Variants in RASGRP1 observed in about 807,000 individuals in gnomAD.
The protein encoded by RASGRP1 is RAS guanyl-releasing protein 1.
Under a neutral mutation model 95.1 loss-of-function variants are expected in RASGRP1, and 37 were observed. The ratio of observed to expected loss-of-function variants is 0.39; its 90% CI spans 0.30 to 0.51. The LOEUF (loss-of-function observed/expected upper bound fraction) is 0.51. RASGRP1 is among the 20% of genes least tolerant of loss of function. The pLI, the probability that RASGRP1 is intolerant of heterozygous loss-of-function variation, is 0.80. For missense variants in RASGRP1, 711 were observed against 965.4 expected (o/e 0.74, Z 3.49); for synonymous variants, 325 against 353.4 (o/e 0.92, Z 0.90).
intron 2 of RASGRP1, 70 bp from the exon 3 acceptor site, chr15:38,526,474 A>C: frequency 2.5e-6 from 3 of 1,179,282 alleles, no homozygotes; most frequent in Non-Finnish European, 3.7e-6. Flanking sequence ...GACACCTGCA[A>C]ACCCTCTGTG....
At chr15:38,519,662 CCT>C (rs1402957928) in intron 3 of RASGRP1, among the ~76,000 whole-genome samples, 1 of 152,056 alleles carries the variant, frequency 6.6e-6, no homozygotes, top group African/African-American at 2.4e-5. Flanking sequence ...GTAAAGAGGT[CCT>C]GAGACAGGTA....
chr15:38,538,488 C>T (rs1183371136), intron 2 of RASGRP1, among the ~76,000 whole-genome samples: 19 of 152,194 alleles, frequency 1.2e-4, no homozygotes, highest in African/African-American at 2.4e-5. Context: ...TAGCCACCCC[C>T]GTCTTCTCTT....
intron 2 of RASGRP1, among the ~76,000 whole-genome samples, chr15:38,545,761 C>A (rs1280534493): frequency 6.6e-6 from 1 of 152,132 alleles, no homozygotes; most frequent in Non-Finnish European, 1.5e-5. Flanking sequence ...ATTTCAGGCA[C>A]TCCTAAGGCC....
At chr15:38,491,824 A>G (rs1890597071) in intron 16 of RASGRP1, among the ~76,000 whole-genome samples, 1 of 152,062 alleles carries the variant, frequency 6.6e-6, no homozygotes. Context: ...CAAAATGGTG[A>G]GAGGGTTTAC....
intron 6 of RASGRP1, among the ~76,000 whole-genome samples, 177 bp downstream of exon 6, chr15:38,516,020 C>A (rs1186623760): frequency 1.3e-5 from 2 of 151,744 alleles, no homozygotes; most frequent in Non-Finnish European, 2.9e-5. Flanking sequence ...GCACAGGAGT[C>A]ACAATCAAAG....
intron 4 of RASGRP1, 70 bp from the exon 5 acceptor site, chr15:38,518,493 A>G (rs1413615524): frequency 6.6e-7 from 1 of 1,504,464 alleles, no homozygotes. Context: ...TGGGTTCCAA[A>G]AGGAATTTAC....
At chr15:38,535,566 C>T (rs2141156351) in intron 2 of RASGRP1, among the ~76,000 whole-genome samples, 1 of 152,290 alleles carries the variant, frequency 6.6e-6, no homozygotes, top group Admixed American at 6.5e-5. Context: ...CCCCTAAGGG[C>T]CCACAGTGCC....
At chr15:38,539,482 T>G (rs956319633) in intron 2 of RASGRP1, among the ~76,000 whole-genome samples, 1 of 151,998 alleles carries the variant, frequency 6.6e-6, no homozygotes, top group African/African-American at 2.4e-5. Flanking sequence ...GGCTACAAAT[T>G]ATCACCCTGG....
chr15:38,503,936 C>T (rs899413733), intron 10 of RASGRP1: 6 of 160,946 alleles, frequency 3.7e-5, no homozygotes, highest in African/African-American at 4.8e-5. Flanking sequence ...GATGGTATAG[C>T]CTGCTACACA....
chr15:38,514,510 G>C (rs1014493830), intron 6 of RASGRP1, among the ~76,000 whole-genome samples: 3 of 151,838 alleles, frequency 2.0e-5, no homozygotes, highest in Admixed American at 6.6e-5. Context: ...ATAAACAGAA[G>C]ATATCAAATG....
chr15:38,502,879 A>G (rs1891094991), intron 11 of RASGRP1: 1 of 249,106 alleles, frequency 4.0e-6, no homozygotes, highest in Admixed American at 5.0e-5. Flanking sequence ...GGATACATGC[A>G]TAAGTATGAG....
At chr15:38,512,134 G>C (rs569458104) in intron 7 of RASGRP1, among the ~76,000 whole-genome samples, 3 of 152,192 alleles carry the variant, frequency 2.0e-5, no homozygotes, top group African/African-American at 7.2e-5. Context: ...TGTTGACTTT[G>C]AGAAACACTG....
At chr15:38,558,879 C>T (rs1893686552) in intron 2 of RASGRP1, among the ~76,000 whole-genome samples, 1 of 152,192 alleles carries the variant, frequency 6.6e-6, no homozygotes, top group Admixed American at 6.5e-5. Context: ...GGATCATGAG[C>T]TGCCTAGGAT....
chr15:38,517,720 C>T (rs1451926349), intron 5 of RASGRP1, among the ~76,000 whole-genome samples: 2 of 152,306 alleles, frequency 1.3e-5, no homozygotes, highest in South Asian at 4.1e-4. Flanking sequence ...TGTGAAAACC[C>T]TGGCATACAA....
chr15:38,554,889 T>A (rs1443291258), intron 2 of RASGRP1, among the ~76,000 whole-genome samples: 1 of 152,236 alleles, frequency 6.6e-6, no homozygotes, highest in Non-Finnish European at 1.5e-5. Flanking sequence ...ACACAGGGCC[T>A]GCCATCAACA....
chr15:38,552,079 G>A (rs1320461548), intron 2 of RASGRP1, among the ~76,000 whole-genome samples: 1 of 152,196 alleles, frequency 6.6e-6, no homozygotes, highest in Non-Finnish European at 1.5e-5. Flanking sequence ...ATATTTTAGA[G>A]GTGAATTAAA....
At chr15:38,559,710 G>C (rs1173735847) in intron 2 of RASGRP1, 111 bp downstream of exon 2, 13 of 1,149,334 alleles carry the variant, frequency 1.1e-5, no homozygotes, top group Non-Finnish European at 1.6e-5. Context: ...AGGCTCAAAA[G>C]CTATTTTTAA....
At chr15:38,520,113 G>T (rs775136872) in intron 3 of RASGRP1, among the ~76,000 whole-genome samples, 3 of 152,190 alleles carry the variant, frequency 2.0e-5, no homozygotes, top group South Asian at 4.1e-4. Flanking sequence ...TCTATTTTAA[G>T]AGTCAAAGAG....
chr15:38,559,935 G>A lies in RASGRP1; in HGVS notation c.106C>T (p.Pro36Ser). Reference protein sequence around the residue: ...LEAKPANSPFPSHPSLAHITQ... With the variant: ...LEAKPANSPFSSHPSLAHITQ... The stretch of plus-strand genomic sequence containing the variant: ...ATGTGGGCCAAGCTGGGATGGGAGG[G>A]GAAGGGGCTGTTGGCTGGCTTTGCC... The change falls in exon 2 of 17, where the codon CCC (proline) becomes TCC (serine). Residue 36 changes from proline to serine, a missense_variant. Physicochemically the swap from Pro to Ser is moderately conservative, Grantham distance 74. This residue lies in a region of RASGRP1 where 491 missense variants were observed against 676.6 expected (regional missense o/e 0.73). Coordinates refer to ENST00000310803, the MANE Select transcript of RASGRP1 (RefSeq NM_005739.4). The A allele has an allele frequency of 1.2e-6, 2 of 1,613,700 alleles. No individual in the cohort carries two copies. The highest frequency in any genetic ancestry group is 2.2e-5 in the East Asian group (1 of 44,870).
Sources: allele counts gnomAD v4.1 joint callset (sites outside exome capture counted in the v4.1 genomes callset), GRCh38; gene constraint gnomAD v4.1.1; regional missense constraint gnomAD v4.1.1; transcripts MANE v1.5; gene names NCBI Gene and HGNC (gene_info 2026-07-23, HGNC 2026-07-21).